Variants in RAVER2 observed in about 807,000 individuals in gnomAD.
The protein encoded by RAVER2 is ribonucleoprotein PTB-binding 2.
Under a neutral mutation model 78.1 loss-of-function variants are expected in RAVER2, and 46 were observed. That is an observed-to-expected ratio of 0.59 (90% CI 0.46 to 0.75). The LOEUF (loss-of-function observed/expected upper bound fraction) is 0.75. Ranked by LOEUF, RAVER2 falls within the 30% of genes least tolerant of loss-of-function variation. RAVER2 has a pLI of 0.00. For missense variants in RAVER2, 793 were observed against 837.5 expected (o/e 0.95, Z 0.66); for synonymous variants, 311 against 313.3 (o/e 0.99, Z 0.08).
intron 11 of RAVER2, among the ~76,000 whole-genome samples, chr1:64,824,720 A>G (rs1403056306): frequency 2.0e-5 from 3 of 152,098 alleles, no homozygotes; most frequent in Non-Finnish European, 4.4e-5. Flanking sequence ...ACCTGAGGTC[A>G]AGAATTCAAG....
At chr1:64,766,444 C>A (rs368939651) in intron 1 of RAVER2, among the ~76,000 whole-genome samples, 6 of 152,220 alleles carry the variant, frequency 3.9e-5, no homozygotes, top group African/African-American at 1.4e-4. Flanking sequence ...TCAAAGCAAC[C>A]AGGGCATGGA....
intron 11 of RAVER2, 119 bp from the exon 12 acceptor site, chr1:64,830,720 G>A (rs892779720): frequency 1.9e-5 from 17 of 872,020 alleles, no homozygotes; most frequent in African/African-American, 1.4e-4. Flanking sequence ...GATAGTTTGG[G>A]TATTTATCCT....
At chr1:64,760,670 T>TA (rs1420259667) in intron 1 of RAVER2, among the ~76,000 whole-genome samples, 1 of 152,118 alleles carries the variant, frequency 6.6e-6, no homozygotes, top group Non-Finnish European at 1.5e-5. Flanking sequence ...TTTAATGGGA[T>TA]ATATTTAAAC....
intron 2 of RAVER2, among the ~76,000 whole-genome samples, chr1:64,773,246 G>C (rs1321861504): frequency 6.6e-6 from 1 of 152,068 alleles, no homozygotes; most frequent in African/African-American, 2.4e-5. Flanking sequence ...GTGCAGGTTT[G>C]TTACATAGAT....
intron 2 of RAVER2, among the ~76,000 whole-genome samples, chr1:64,772,564 G>T (rs1188381229): frequency 1.3e-5 from 2 of 152,090 alleles, no homozygotes; most frequent in African/African-American, 4.8e-5. Context: ...GTTCAAGATA[G>T]AGAGGTATAA....
intron 1 of RAVER2, among the ~76,000 whole-genome samples, chr1:64,764,303 A>G (rs1652112262): frequency 6.6e-6 from 1 of 152,072 alleles, no homozygotes; most frequent in Non-Finnish European, 1.5e-5. Context: ...GAAAAGATGG[A>G]CAATACAATT....
chr1:64,750,982 T>C (rs1272680612), intron 1 of RAVER2, among the ~76,000 whole-genome samples: 1 of 152,224 alleles, frequency 6.6e-6, no homozygotes, highest in Non-Finnish European at 1.5e-5. Flanking sequence ...CTTAAGTTTC[T>C]AGTTTTGGAA....
chr1:64,813,037 A>G (rs1653662255), intron 10 of RAVER2, among the ~76,000 whole-genome samples, 188 bp downstream of exon 10: 1 of 152,226 alleles, frequency 6.6e-6, no homozygotes, highest in Admixed American at 6.5e-5. Context: ...TTATTTAAGG[A>G]AAACATTACA....
intron 2 of RAVER2, among the ~76,000 whole-genome samples, chr1:64,771,347 A>C (rs1652312858): frequency 6.6e-6 from 1 of 152,016 alleles, no homozygotes; most frequent in African/African-American, 2.4e-5. Context: ...AACAGTGATG[A>C]AATAGAGATG....
rs79231099 is a variant in RAVER2, at chr1:64,822,869, C to T, written c.1930-7970C>T. 3.4e-3 allele frequency among the ~76,000 whole-genome samples: 513 copies of T among 152,278 alleles called. 2 individuals carry two copies. Among genetic ancestry groups the T allele is most frequent in the African/African-American group, 0.012 (480 of 41,544 alleles). On this transcript the variant is annotated intron_variant, in intron 11 of 11. Coordinates refer to ENST00000294428, the Ensembl canonical transcript of RAVER2. ...TTATTCACTAGAAAGGAATGGAGTA[C>T]TGATCCATGCTACAACATTGGTGAA...
Position 64,782,894 on chromosome 1 carries a change from C to T in RAVER2, c.978+1323C>T, listed in dbSNP as rs141190613. The stretch of plus-strand genomic sequence containing the variant: ...ATCAATCCCCCAGCCCCCTACCCCG[C>T]GACAGGCCCTGGTGTGTGATGTTCC... On this transcript the variant is annotated intron_variant, in intron 4 of 11. Coordinates refer to ENST00000294428, the Ensembl canonical transcript of RAVER2. 7.2e-5 allele frequency among the ~76,000 whole-genome samples: 11 copies of T among 152,264 alleles called. No homozygotes were observed. In the East Asian group the frequency reaches 9.7e-4, roughly 13 times the overall value.
At position 64,768,727 on chromosome 1, in the gene RAVER2, G is replaced by A. The variant is rs1269235904; in HGVS notation, c.316+5G>A. 6.7e-7 allele frequency: 1 copy of A among 1,490,478 alleles called. No individual in the cohort carries two copies. The highest frequency in any genetic ancestry group is 9.3e-7 in the Non-Finnish European group (1 of 1,071,850). 92.3% of individuals were successfully genotyped at this position (1,490,478 alleles called of 1,614,324 possible). A position where few individuals can be genotyped will look rare whatever the true frequency, so the allele number is the denominator to read the frequency against. On this transcript the variant is annotated splice_donor_5th_base_variant and intron_variant, in intron 2 of 11. Transcript: ENST00000294428. Reference sequence around the variant, plus strand: ...TGGACAGAAATAAACGAACAGGTAAGATTTCTATTCTAAGTGTCTAATTTC... The same window carrying A: ...TGGACAGAAATAAACGAACAGGTAAAATTTCTATTCTAAGTGTCTAATTTC...
intron 1 of RAVER2, among the ~76,000 whole-genome samples, chr1:64,754,213 C>T (rs779956507): frequency 1.3e-5 from 2 of 152,110 alleles, no homozygotes; most frequent in Non-Finnish European, 2.9e-5. Context: ...ACAATTTGCC[C>T]AAGATCATTC....
In RAVER2 at chr1:64,745,471, C is replaced by T; in HGVS notation, c.249+50C>T. On this transcript the variant is annotated intron_variant, in intron 1 of 11. Coordinates refer to ENST00000294428, the Ensembl canonical transcript of RAVER2. The surrounding 1 kb of genome is among the most constrained non-coding windows in gnomAD (Gnocchi z 4.3). ...CGCGTCCCGAGGGGCGGCGGGGCGGCGCTCCGTGTCCAGGCTGGGATCGGG... is the reference window on the plus strand; with the variant it reads ...CGCGTCCCGAGGGGCGGCGGGGCGGTGCTCCGTGTCCAGGCTGGGATCGGG... 6.8e-7 allele frequency: 1 copy of T among 1,472,136 alleles called. No individual in the cohort carries two copies. The highest frequency in any genetic ancestry group is 9.1e-7 in the Non-Finnish European group (1 of 1,100,210). 91.2% of individuals were successfully genotyped at this position (1,472,136 alleles called of 1,614,324 possible).
intron 1 of RAVER2, among the ~76,000 whole-genome samples, chr1:64,754,827 T>C (rs1651805621): frequency 6.6e-6 from 1 of 152,256 alleles, no homozygotes; most frequent in Admixed American, 6.5e-5. Flanking sequence ...GATCCAAAGC[T>C]GTTGCTTCAG....
intron 4 of RAVER2, among the ~76,000 whole-genome samples, chr1:64,784,358 C>A (rs1652720060): frequency 6.6e-6 from 1 of 152,190 alleles, no homozygotes; most frequent in African/African-American, 2.4e-5. Flanking sequence ...GCCTGGGTGA[C>A]AAAGTAAGAC....
Position 64,816,486 on chromosome 1 carries a change from A to AT in RAVER2, c.1929+1648dup, listed in dbSNP as rs1464808542. 3 of 152,362 alleles carry AT rather than the reference A, an allele frequency of 2.0e-5. No individual in the cohort carries two copies. In the East Asian group the frequency reaches 5.8e-4, roughly 29 times the overall value. 9.4% of individuals were successfully genotyped at this position (152,362 alleles called of 1,614,324 possible). ...CTAATGGAACATTAAAGTACATGGA[A>AT]TTAAACTAATGGAATACTAAAATAA... On this transcript the variant is annotated intron_variant, in intron 11 of 11. Transcript: ENST00000294428.
At chr1:64,757,504 C>T (rs1057119436) in intron 1 of RAVER2, among the ~76,000 whole-genome samples, 1 of 152,192 alleles carries the variant, frequency 6.6e-6, no homozygotes, top group African/African-American at 2.4e-5. Flanking sequence ...TGGCTGCCTG[C>T]AAGCCAGCCA....
intron 1 of RAVER2, among the ~76,000 whole-genome samples, chr1:64,747,599 C>T (rs1248445486): frequency 6.6e-6 from 1 of 151,930 alleles, no homozygotes; most frequent in Non-Finnish European, 1.5e-5. Flanking sequence ...GCAACCTCTG[C>T]CTCCCAGGTC....
Sources: allele counts gnomAD v4.1 joint callset (sites outside exome capture counted in the v4.1 genomes callset), GRCh38; gene constraint gnomAD v4.1.1; non-coding constraint Gnocchi (gnomAD v3.1); transcripts MANE v1.5; gene names NCBI Gene and HGNC (gene_info 2026-07-23, HGNC 2026-07-21).